The following DPF2 variants were observed in gnomAD, a reference collection of about 807,000 sequenced individuals.
DPF2 encodes zinc finger protein ubi-d4.
A neutral mutation model predicts 59.6 loss-of-function variants in DPF2; 10 were observed. That is an observed-to-expected ratio of 0.17 (90% CI 0.10 to 0.28). DPF2 has a LOEUF of 0.28. Ranked by LOEUF, DPF2 falls within the 10% of genes least tolerant of loss-of-function variation. DPF2 has a pLI of 1.00. For synonymous variants in DPF2, 189 were observed against 190.6 expected, an observed-to-expected ratio of 0.99 and a Z score of 0.07; for missense variants, 315 against 509.4, an observed-to-expected ratio of 0.62 and a Z score of 3.67.
At chr11:65,337,490 TATATATATATATATAGAGAGAG>T (rs1384552262) in intron 1 of DPF2, among the ~76,000 whole-genome samples, 3 of 67,038 alleles carry the variant, frequency 4.5e-5, no homozygotes, top group South Asian at 5.7e-4. Flanking sequence ...TATATATATA[TATATATATATATATAGAGAGAG>T]AGAGAGAGAG....
At chr11:65,334,915 A>C (rs1267100119) in intron 1 of DPF2, among the ~76,000 whole-genome samples, 2 of 152,208 alleles carry the variant, frequency 1.3e-5, no homozygotes, top group African/African-American at 4.8e-5. Flanking sequence ...TAACTCTTCT[A>C]AGGGACTCAC....
In DPF2 at chr11:65,344,739, G is replaced by C. The variant is rs1216583523; in HGVS notation, c.637+670G>C. The C allele has an allele frequency of 5.2e-6, 6 of 1,164,578 alleles. No homozygotes were observed. In the African/African-American group the frequency reaches 6.2e-5, roughly 12 times the overall value. The allele number at this position is 1,164,578 out of a possible 1,614,324, so 72.1% of individuals were successfully genotyped here. A position where few individuals can be genotyped will look rare whatever the true frequency, so the allele number is the denominator to read the frequency against. ...GCTTTAAAATCTCTGGAATGGCATG[G>C]GGGTAGGAGCAGTGGAATTTCTGCT... On this transcript the variant is annotated intron_variant, in intron 6 of 10. Transcript: ENST00000528416.
chr11:65,341,413 C>G lies in DPF2; in HGVS notation c.316C>G (p.Leu106Val). The G allele has an allele frequency of 6.2e-7, 1 of 1,614,220 alleles. No individual in the cohort carries two copies. Among genetic ancestry groups the G allele is most frequent in the Non-Finnish European group, 8.5e-7 (1 of 1,180,030 alleles). ...PSIKPDTDQT[L>V]KKEGLISQDG... ...CTTGCTTGCAGACACAGACCAGACC[C>G]TGAAGAAGGAGGGGCTGATCTCTCA... The change falls in exon 4 of 11, where the codon CTG becomes GTG. Residue 106 changes from leucine to valine, a missense_variant. By Grantham distance (32) the Leu-to-Val change is conservative (BLOSUM62 1). Coordinates refer to ENST00000528416, the MANE Select transcript of DPF2 (RefSeq NM_006268.5).
rs1854770751 is a variant in DPF2, at chr11:65,353,041, G to T, written c.*1282G>T. On this transcript the variant is annotated 3_prime_UTR_variant, in exon 11 of 11. Transcript: ENST00000528416. ...CATTAAGAAGGCCATTTCATCCTAA[G>T]ATTTCCATGATGGTGGTTTTTTTTT... 1 of 150,882 alleles carries T rather than the reference G, an allele frequency of 6.6e-6. No homozygotes were observed. Among genetic ancestry groups the T allele is most frequent in the Non-Finnish European group, 1.5e-5 (1 of 67,840 alleles). 9.3% of individuals were successfully genotyped at this position (150,882 alleles called of 1,614,324 possible). A position where few individuals can be genotyped will look rare whatever the true frequency, so the allele number is the denominator to read the frequency against.
intron 1 of DPF2, among the ~76,000 whole-genome samples, chr11:65,334,520 C>G (rs1260259867): frequency 6.6e-6 from 1 of 152,222 alleles, no homozygotes. Flanking sequence ...GCCTTGGCCC[C>G]GTCCAGTAGC....
chr11:65,341,105 G>T, intron 3 of DPF2, 32 bp downstream of exon 3: 1 of 1,596,172 alleles, frequency 6.3e-7, no homozygotes, highest in African/African-American at 1.3e-5. Context: ...CAGAGGCGTG[G>T]CCTGCTGCAT....
intron 4 of DPF2, 57 bp downstream of exon 4, chr11:65,341,619 C>G: frequency 6.2e-7 from 1 of 1,601,542 alleles, no homozygotes; most frequent in Non-Finnish European, 8.5e-7. Context: ...CTCCTCTTCA[C>G]TGGGGGCCAC....
chr11:65,334,290 C>T (rs952714577), intron 1 of DPF2, among the ~76,000 whole-genome samples: 3 of 152,174 alleles, frequency 2.0e-5, no homozygotes, highest in Admixed American at 6.5e-5. Context: ...GGCGGCCCTA[C>T]GGCTGGCCCG....
chr11:65,346,183 G>C, intron 8 of DPF2, 64 bp from the exon 9 acceptor site: 2 of 1,599,902 alleles, frequency 1.3e-6, no homozygotes, highest in South Asian at 2.2e-5. Flanking sequence ...GTAGCCACAG[G>C]CAGGAGCTCC....
chr11:65,349,639 C>T (rs1038551459), intron 10 of DPF2, among the ~76,000 whole-genome samples: 8 of 151,958 alleles, frequency 5.3e-5, no homozygotes, highest in African/African-American at 1.9e-4. Context: ...ACTAAAAATA[C>T]AAAAAAATTA....
At position 65,350,380 on chromosome 11, in the gene DPF2, T is replaced by C. The variant is rs1344345030; in HGVS notation, c.1100-1303T>C. On this transcript the variant is annotated intron_variant, in intron 10 of 10. Coordinates refer to ENST00000528416, the MANE Select transcript of DPF2 (RefSeq NM_006268.5). Reference sequence around the variant, plus strand: ...TTTTTCTTTTTCTTTCTTTCTTTTTTTTTTTTTTTTTTGAGACAGTGTCTT... The same window carrying C: ...TTTTTCTTTTTCTTTCTTTCTTTTTCTTTTTTTTTTTTGAGACAGTGTCTT... 1.1e-3 allele frequency among the ~76,000 whole-genome samples: 167 copies of C among 149,394 alleles called. 1 individual carries two copies. In the East Asian group the frequency reaches 0.019, roughly 17 times the overall value.
chr11:65,336,453 C>G (rs973476033), intron 1 of DPF2, among the ~76,000 whole-genome samples: 1 of 152,072 alleles, frequency 6.6e-6, no homozygotes, highest in African/African-American at 2.4e-5. Context: ...TATCACACCA[C>G]TGCCCTCCAG....
intron 2 of DPF2, among the ~76,000 whole-genome samples, 165 bp from the exon 3 acceptor site, chr11:65,340,801 A>G (rs1467625381): frequency 2.0e-5 from 3 of 151,758 alleles, no homozygotes; most frequent in Non-Finnish European, 4.4e-5. Flanking sequence ...TTATATATCT[A>G]TTTTTCTTTT....
chr11:65,344,270 G>A (rs911985547), intron 6 of DPF2: 25 of 633,546 alleles, frequency 3.9e-5, no homozygotes, highest in Non-Finnish European at 5.0e-5. Context: ...CATGCTCTGG[G>A]AAAGATTTCT....
chr11:65,346,386 A>G (rs767154084), intron 9 of DPF2, 27 bp downstream of exon 9: 3 of 1,596,194 alleles, frequency 1.9e-6, no homozygotes, highest in Middle Eastern at 1.7e-4. Flanking sequence ...CCTCCTCAGC[A>G]TGGCTCCTTC....
chr11:65,335,064 C>T (rs1950077969), intron 1 of DPF2, among the ~76,000 whole-genome samples: 1 of 136,842 alleles, frequency 7.3e-6, no homozygotes, highest in African/African-American at 2.7e-5. Flanking sequence ...AGTGCCTTTC[C>T]TCCTCTTGTG....
intron 1 of DPF2, among the ~76,000 whole-genome samples, chr11:65,339,495 G>T (rs1043239846): frequency 6.6e-6 from 1 of 152,176 alleles, no homozygotes; most frequent in African/African-American, 2.4e-5. Context: ...TGTGAGAATG[G>T]AGAAGAACCC....
chr11:65,339,584 T>C (rs1057379009), intron 1 of DPF2, among the ~76,000 whole-genome samples: 9 of 152,228 alleles, frequency 5.9e-5, no homozygotes, highest in Admixed American at 5.9e-4. Context: ...CAGGTACTTG[T>C]AGACATCTTC....
intron 2 of DPF2, 114 bp downstream of exon 2, chr11:65,340,659 A>T: frequency 7.1e-7 from 1 of 1,407,498 alleles, no homozygotes; most frequent in Non-Finnish European, 9.6e-7. Context: ...CCACCTATGG[A>T]TGAATATGGT....
Sources: allele counts gnomAD v4.1 joint callset (sites outside exome capture counted in the v4.1 genomes callset), GRCh38; gene constraint gnomAD v4.1.1; transcripts MANE v1.5; gene names NCBI Gene and HGNC (gene_info 2026-07-23, HGNC 2026-07-21).